Variants in PDE10A observed in about 807,000 individuals in gnomAD.
PDE10A encodes cAMP and cAMP-inhibited cGMP 3',5'-cyclic phosphodiesterase 10A.
Under a neutral mutation model 97.7 loss-of-function variants are expected in PDE10A, and 39 were observed. That is an observed-to-expected ratio of 0.40 (90% CI 0.31 to 0.52). PDE10A has a LOEUF of 0.52. Ranked by LOEUF, PDE10A falls within the 20% of genes least tolerant of loss-of-function variation. PDE10A has a pLI of 0.56. For missense variants in PDE10A, 731 were observed against 1,047.8 expected (o/e 0.70, Z 4.17); for synonymous variants, 371 against 376.8 (o/e 0.98, Z 0.18).
At chr6:165,714,187 G>A (rs1419409936) in intron 1 of PDE10A, among the ~76,000 whole-genome samples, 1 of 152,216 alleles carries the variant, frequency 6.6e-6, no homozygotes, top group Non-Finnish European at 1.5e-5. Flanking sequence ...GGGCAGCTCA[G>A]TGTTCATGCC....
Position 165,398,872 on chromosome 6 carries a change from A to G in PDE10A, c.2077-2413T>C, listed in dbSNP as rs79225856. 7.8e-3 allele frequency among the ~76,000 whole-genome samples: 1,188 copies of G among 152,330 alleles called. 12 individuals carry two copies. Among genetic ancestry groups the G allele is most frequent in the African/African-American group, 0.027 (1,141 of 41,574 alleles). ...TGTGAATGGTCTAAACATCATGACTAGAAGTCAAAGACTGTCAGATTGAAT... is the reference window on the plus strand; with the variant it reads ...TGTGAATGGTCTAAACATCATGACTGGAAGTCAAAGACTGTCAGATTGAAT... On this transcript the variant is annotated intron_variant, in intron 13 of 21. Transcript: ENST00000539869.
In PDE10A at chr6:165,543,576, A is replaced by C; in HGVS notation, c.866-8T>G. 6.3e-7 allele frequency: 1 copy of C among 1,598,172 alleles called. No homozygotes were observed. Among genetic ancestry groups the C allele is most frequent in the South Asian group, 1.1e-5 (1 of 89,392 alleles). On this transcript the variant is annotated splice_region_variant and splice_polypyrimidine_tract_variant and intron_variant, in intron 1 of 21. Transcript: ENST00000539869. ...CTTTTTCATCTGTCAAACCTGTAAA[A>C]GAATTGAAAAGAATAAAATTCACCT...
chr6:165,741,253 A>G (rs933828888), intron 1 of PDE10A, among the ~76,000 whole-genome samples: 1 of 152,228 alleles, frequency 6.6e-6, no homozygotes, highest in African/African-American at 2.4e-5. Flanking sequence ...AATATATACA[A>G]ACTTTATTAA....
intron 1 of PDE10A, among the ~76,000 whole-genome samples, chr6:165,709,398 C>G (rs1248346299): frequency 6.2e-5 from 9 of 144,048 alleles, no homozygotes; most frequent in African/African-American, 2.3e-4. Flanking sequence ...ACCATGCTGC[C>G]GCGCTCCCTC....
intron 1 of PDE10A, among the ~76,000 whole-genome samples, chr6:165,807,850 G>A (rs1031062974): frequency 2.6e-5 from 4 of 152,210 alleles, no homozygotes; most frequent in South Asian, 2.1e-4. Context: ...AGTTAGGTAC[G>A]CCTTGTGCCT....
At chr6:165,627,145 T>G (rs1377876010) in intron 1 of PDE10A, among the ~76,000 whole-genome samples, 9 of 152,328 alleles carry the variant, frequency 5.9e-5, no homozygotes, top group African/African-American at 2.2e-4. Flanking sequence ...TGCGGCTTTA[T>G]TTAAAATTCA....
chr6:165,876,122 C>A (rs992238559), intron 1 of PDE10A, among the ~76,000 whole-genome samples: 5 of 152,182 alleles, frequency 3.3e-5, no homozygotes, highest in Admixed American at 2.0e-4. Flanking sequence ...TGCGACTGAT[C>A]CATGCCAAGT....
At chr6:165,752,157 G>A (rs536525855) in intron 1 of PDE10A, among the ~76,000 whole-genome samples, 2 of 149,328 alleles carry the variant, frequency 1.3e-5, no homozygotes, top group East Asian at 3.9e-4. Context: ...AAAAAAAAGT[G>A]GGTAAAAGTA....
At chr6:165,815,192 A>G (rs958600436) in intron 1 of PDE10A, among the ~76,000 whole-genome samples, 8 of 152,174 alleles carry the variant, frequency 5.3e-5, no homozygotes, top group Non-Finnish European at 7.3e-5. Flanking sequence ...TGCTCAATTT[A>G]TATCTATTGG....
chr6:165,816,166 C>T (rs1874193), intron 1 of PDE10A, among the ~76,000 whole-genome samples: 2 of 152,012 alleles, frequency 1.3e-5, no homozygotes, highest in Non-Finnish European at 2.9e-5. Context: ...AGCCAGGATG[C>T]TCTCAATCTC....
chr6:165,853,483 T>G (rs1207624871), intron 1 of PDE10A, among the ~76,000 whole-genome samples: 1 of 152,232 alleles, frequency 6.6e-6, no homozygotes, highest in Non-Finnish European at 1.5e-5. Context: ...AGGTTCTCAT[T>G]CATCTTTATA....
At position 165,459,467 on chromosome 6, in the gene PDE10A, T is replaced by C. The variant is rs114820827; in HGVS notation, c.1024-9105A>G. ...TCCAAGAGTTGAAGCTATATCACAC[T>C]GCTGTCAATGCTTCTAATGCATTAG... On this transcript the variant is annotated intron_variant, in intron 3 of 21. Coordinates refer to ENST00000539869, the MANE Select transcript of PDE10A (RefSeq NM_001385079.1). Among the ~76,000 whole-genome samples the C allele has an allele frequency of 1.7e-4, 26 of 152,078 alleles. No homozygotes were observed. In the Middle Eastern group the frequency reaches 0.01, roughly 60 times the overall value.
At chr6:165,906,655 G>T (rs945630541) in intron 1 of PDE10A, among the ~76,000 whole-genome samples, 1 of 152,216 alleles carries the variant, frequency 6.6e-6, no homozygotes, top group Non-Finnish European at 1.5e-5. Context: ...CCTCTGGCAG[G>T]TGCCAGAGAA....
intron 1 of PDE10A, among the ~76,000 whole-genome samples, chr6:165,596,752 G>A (rs1202376366): frequency 1.3e-5 from 2 of 152,030 alleles, no homozygotes; most frequent in Non-Finnish European, 2.9e-5. Context: ...AAATATGTAA[G>A]TGAATAAACA....
rs1203125940 is a variant in PDE10A at position 165,819,542 on chromosome 6, G to T, written c.-615+167987C>A. ...AGCCTCCTCCGACCTCCGAAGAGTG[G>T]TCATTGATTTGTCCTTCAGGCCTCA... On this transcript the variant is annotated intron_variant, in intron 1 of 19. Coordinates refer to the PDE10A transcript ENST00000366882. The surrounding 1 kb of genome is among the most constrained non-coding windows in gnomAD (Gnocchi z 4.2). Among the ~76,000 whole-genome samples the T allele has an allele frequency of 6.6e-6, 1 of 152,102 alleles. No individual in the cohort carries two copies. Among genetic ancestry groups the T allele is most frequent in the South Asian group, 2.1e-4 (1 of 4,812 alleles).
rs571049087 is a variant in PDE10A, at chr6:165,911,811, G to C, written c.-615+75718C>G. On this transcript the variant is annotated intron_variant, in intron 1 of 19. Transcript: ENST00000366882. ...TGCAAACATGCACCAGAGGAGCACA[G>C]AGCCAGCACCCAAAAGGCCTGGGAG... Among the ~76,000 whole-genome samples, 3 of 152,240 alleles carry C rather than the reference G, an allele frequency of 2.0e-5. No homozygotes were observed. The East Asian group carries it at 5.8e-4, about 29-fold the overall frequency.
At chr6:165,447,707 G>A (rs1790972611) in intron 5 of PDE10A, among the ~76,000 whole-genome samples, 2 of 152,298 alleles carry the variant, frequency 1.3e-5, no homozygotes, top group South Asian at 4.1e-4. Context: ...ACCAGTGTCT[G>A]AAATATAGTT....
intron 1 of PDE10A, among the ~76,000 whole-genome samples, chr6:165,676,606 T>C (rs1174470090): frequency 6.6e-6 from 1 of 151,896 alleles, no homozygotes; most frequent in Non-Finnish European, 1.5e-5. Flanking sequence ...GTCCAAGGAC[T>C]TGCACCCAGG....
chr6:165,913,210 G>A (rs1392652936), intron 1 of PDE10A, among the ~76,000 whole-genome samples: 1 of 151,500 alleles, frequency 6.6e-6, no homozygotes, highest in Non-Finnish European at 1.5e-5. Flanking sequence ...TCTAAAATCT[G>A]AAAAAATCTG....
Sources: gnomAD v4.1 joint callset for allele counts (sites outside exome capture counted in the v4.1 genomes callset) on GRCh38, gnomAD v4.1.1 for gene constraint, Gnocchi (gnomAD v3.1) non-coding constraint, MANE v1.5 for transcripts, NCBI Gene and HGNC (gene_info 2026-07-23, HGNC 2026-07-21) for gene names.